The following GPC5 variants were observed in gnomAD, a reference collection of about 807,000 sequenced individuals.
The protein encoded by GPC5 is glypican 5.
GPC5 carries 47 observed loss-of-function variants against 53.9 expected under a neutral mutation model. The observed-to-expected ratio is 0.87, with a 90% CI of 0.69 to 1.11. The LOEUF (loss-of-function observed/expected upper bound fraction) is 1.11, where lower values mean the gene tolerates loss of function less well. Ranked by LOEUF, GPC5 falls within the 50% of genes most tolerant of loss-of-function variation. GPC5 has a pLI of 0.00. For synonymous variants in GPC5, 286 were observed against 263.3 expected (o/e 1.09, Z -0.84); for missense variants, 748 against 713.1 (o/e 1.05, Z -0.56).
chr13:91,913,495 C>T (rs937453720), intron 6 of GPC5, among the ~76,000 whole-genome samples: 2 of 151,936 alleles, frequency 1.3e-5, no homozygotes, highest in Non-Finnish European at 2.9e-5. Flanking sequence ...TTAGGACAAG[C>T]CCTATATTTA....
At chr13:91,583,156 A>G (rs181336646) in intron 2 of GPC5, among the ~76,000 whole-genome samples, 261 of 152,324 alleles carry the variant, frequency 1.7e-3, no homozygotes, top group African/African-American at 5.7e-3. Context: ...TAGAGTGGAA[A>G]GGAGAAAATT....
At chr13:92,458,143 T>C (rs942450404) in intron 7 of GPC5, among the ~76,000 whole-genome samples, 1 of 152,196 alleles carries the variant, frequency 6.6e-6, no homozygotes, top group African/African-American at 2.4e-5. Context: ...TCCTGTTATG[T>C]CTGCATGTCA....
At chr13:91,841,212 G>A (rs961392298) in intron 5 of GPC5, among the ~76,000 whole-genome samples, 3 of 151,418 alleles carry the variant, frequency 2.0e-5, no homozygotes, top group Non-Finnish European at 2.9e-5. Flanking sequence ...ATTTCTTATC[G>A]GAAATTCTAC....
At chr13:92,535,489 G>C (rs138265908) in intron 7 of GPC5, among the ~76,000 whole-genome samples, 62 of 152,130 alleles carry the variant, frequency 4.1e-4, no homozygotes, top group Non-Finnish European at 6.9e-4. Context: ...GGAACTAAGG[G>C]GGGGTCCAGA....
intron 1 of GPC5, among the ~76,000 whole-genome samples, chr13:91,447,940 T>C (rs1394515381): frequency 6.6e-6 from 1 of 152,096 alleles, no homozygotes; most frequent in Admixed American, 6.6e-5. Context: ...GCACTAACTC[T>C]TTGTGCTCCA....
intron 3 of GPC5, among the ~76,000 whole-genome samples, chr13:91,714,679 T>C (rs1440632128): frequency 6.6e-6 from 1 of 152,000 alleles, no homozygotes; most frequent in Non-Finnish European, 1.5e-5. Flanking sequence ...AAGGACAAGC[T>C]GTGAGTCGAG....
At chr13:91,580,621 CA>C (rs147079125) in intron 2 of GPC5, among the ~76,000 whole-genome samples, 2,323 of 152,256 alleles carry the variant, frequency 0.015, 54 homozygotes, top group African/African-American at 0.053. Flanking sequence ...AACTGTTTGA[CA>C]TAGAAACACC....
chr13:92,420,892 T>C (rs1440141526), intron 7 of GPC5, among the ~76,000 whole-genome samples: 1 of 152,230 alleles, frequency 6.6e-6, no homozygotes, highest in African/African-American at 2.4e-5. Context: ...TATTCATCTG[T>C]TGATGGACAC....
At chr13:92,841,154 T>C (rs1878415151) in intron 7 of GPC5, among the ~76,000 whole-genome samples, 1 of 152,146 alleles carries the variant, frequency 6.6e-6, no homozygotes, top group African/African-American at 2.4e-5. Context: ...CCAGGTTAGT[T>C]TGATCCATTT....
chr13:92,201,010 C>CAT (rs1593989103), intron 7 of GPC5, among the ~76,000 whole-genome samples: 1 of 149,840 alleles, frequency 6.7e-6, no homozygotes, highest in East Asian at 1.9e-4. Context: ...CACACACACA[C>CAT]GCACACACAC....
chr13:91,664,992 G>T (rs1256399935), intron 2 of GPC5, among the ~76,000 whole-genome samples: 2 of 152,164 alleles, frequency 1.3e-5, no homozygotes, highest in African/African-American at 4.8e-5. Flanking sequence ...GAATAAAAAT[G>T]CCTATGAATT....
chr13:92,034,325 A>C (rs1021400113), intron 6 of GPC5, among the ~76,000 whole-genome samples: 1 of 151,964 alleles, frequency 6.6e-6, no homozygotes, highest in African/African-American at 2.4e-5. Flanking sequence ...GTGAAACCCC[A>C]TCTCTACTAA....
intron 7 of GPC5, among the ~76,000 whole-genome samples, chr13:92,718,825 A>C (rs1888412591): frequency 6.7e-6 from 1 of 150,248 alleles, no homozygotes; most frequent in African/African-American, 2.4e-5. Context: ...CTTGAGGCAG[A>C]GGTTGCAGTG....
chr13:91,851,311 C>A (rs1209918027), intron 5 of GPC5, among the ~76,000 whole-genome samples: 2 of 151,944 alleles, frequency 1.3e-5, no homozygotes, highest in African/African-American at 2.4e-5. Flanking sequence ...AAAATAAAAT[C>A]TAAAAGGTAA....
At chr13:92,840,074 CATACAT>C (rs1454562876) in intron 7 of GPC5, among the ~76,000 whole-genome samples, 4 of 72,122 alleles carry the variant, frequency 5.5e-5, no homozygotes, top group Non-Finnish European at 8.5e-5. Context: ...TTCATATATA[CATACAT>C]ATATATATAT....
chr13:91,434,333 A>G (rs1359587973), intron 1 of GPC5, among the ~76,000 whole-genome samples: 4 of 152,020 alleles, frequency 2.6e-5, no homozygotes, highest in African/African-American at 9.7e-5. Flanking sequence ...TTATGGTTTT[A>G]GGTCTAACAT....
chr13:91,679,871 T>G (rs2035467100), intron 2 of GPC5, among the ~76,000 whole-genome samples: 1 of 152,116 alleles, frequency 6.6e-6, no homozygotes, highest in African/African-American at 2.4e-5. Context: ...GCTCTCTCAA[T>G]GAAAGATACT....
intron 6 of GPC5, among the ~76,000 whole-genome samples, chr13:92,106,422 T>C (rs941541098): frequency 2.0e-5 from 3 of 152,096 alleles, no homozygotes; most frequent in African/African-American, 7.2e-5. Flanking sequence ...ACATAGATTT[T>C]GGATATGATG....
chr13:91,907,524 T>G (rs2039567335), intron 5 of GPC5, among the ~76,000 whole-genome samples: 1 of 144,614 alleles, frequency 6.9e-6, no homozygotes, highest in African/African-American at 2.5e-5. Flanking sequence ...TATATATATA[T>G]AGTATATATG....
Sources: allele counts gnomAD v4.1 joint callset (sites outside exome capture counted in the v4.1 genomes callset), GRCh38; gene constraint gnomAD v4.1.1; transcripts MANE v1.5; gene names NCBI Gene and HGNC (gene_info 2026-07-23, HGNC 2026-07-21).